Variants in YBX3 observed in about 807,000 individuals in gnomAD.
The protein encoded by YBX3 is Y-box binding protein 3.
A neutral mutation model predicts 42.4 loss-of-function variants in YBX3; 29 were observed. That is an observed-to-expected ratio of 0.68 (90% CI 0.51 to 0.93). The LOEUF (loss-of-function observed/expected upper bound fraction) is 0.93. Ranked by LOEUF, YBX3 falls within the 40% of genes least tolerant of loss-of-function variation. The pLI, the probability that YBX3 is intolerant of heterozygous loss-of-function variation, is 0.00. For missense variants in YBX3, 517 were observed against 527.5 expected, an observed-to-expected ratio of 0.98 and a Z score of 0.19; for synonymous variants, 195 against 189.8, an observed-to-expected ratio of 1.03 and a Z score of -0.22.
At chr12:10,712,172 C>T (rs1348063310) in intron 5 of YBX3, 1 of 152,186 alleles carries the variant, frequency 6.6e-6, no homozygotes, top group East Asian at 1.9e-4. Context: ...TCTCAATCTG[C>T]AGATATTTAA....
At chr12:10,722,566 G>C (rs1259039790) in intron 1 of YBX3, among the ~76,000 whole-genome samples, 2 of 152,244 alleles carry the variant, frequency 1.3e-5, no homozygotes, top group Non-Finnish European at 2.9e-5. Flanking sequence ...GCCCGTCTGG[G>C]AGACAGAAGT....
At chr12:10,716,337 G>C (rs887931889) in intron 3 of YBX3, among the ~76,000 whole-genome samples, 1 of 152,144 alleles carries the variant, frequency 6.6e-6, no homozygotes. Context: ...AGTCACAACC[G>C]TAACAGCCCC....
intron 7 of YBX3, chr12:10,703,678 C>T (rs1361770148): frequency 3.0e-6 from 1 of 334,380 alleles, no homozygotes; most frequent in African/African-American, 2.2e-5. Flanking sequence ...AACCCCTCTA[C>T]TGGACTGCCT....
At chr12:10,716,853 T>G (rs896278737) in intron 3 of YBX3, among the ~76,000 whole-genome samples, 1 of 152,092 alleles carries the variant, frequency 6.6e-6, no homozygotes, top group Non-Finnish European at 1.5e-5. Context: ...GCTCCCTTTT[T>G]CCTGTTAAAC....
chr12:10,709,961 C>A lies in YBX3; in HGVS notation c.727G>T (p.Gly243Ter). The A allele has an allele frequency of 6.2e-7, 1 of 1,614,178 alleles. No homozygotes were observed. Among genetic ancestry groups the A allele is most frequent in the Non-Finnish European group, 8.5e-7 (1 of 1,180,002 alleles). ...RQRRFPPYHV[G>*]QTFDRRSRVL... ...CGTGAGCGACGGTCAAAGGTCTGTC[C>A]CACGTGGTAAGGCGGGAACCGCCGC... Residue 243 changes from glycine to a stop codon, truncating the protein, a stop_gained, in exon 6 of 10, where the codon GGA becomes TGA. Transcript: ENST00000228251. LOFTEE classifies it high-confidence loss of function.
intron 5 of YBX3, 63 bp downstream of exon 5, chr12:10,713,148 A>C: frequency 6.5e-7 from 1 of 1,533,234 alleles, no homozygotes; most frequent in South Asian, 1.3e-5. Flanking sequence ...CTCCAAGTAC[A>C]TACACTTAAT....
At chr12:10,704,317 C>T (rs1038972632) in intron 6 of YBX3, 169 bp from the exon 7 acceptor site, 17 of 541,288 alleles carry the variant, frequency 3.1e-5, no homozygotes, top group Middle Eastern at 4.6e-4. Context: ...TCTTCGTGAA[C>T]GACTGAAAAG....
intron 3 of YBX3, chr12:10,717,718 C>G: frequency 6.2e-6 from 1 of 161,630 alleles, no homozygotes; most frequent in Non-Finnish European, 1.3e-5. Flanking sequence ...CCTACCCAGG[C>G]AGAAGCCAGA....
chr12:10,712,061 CAG>C (rs1348302376), intron 5 of YBX3: 3 of 152,110 alleles, frequency 2.0e-5, no homozygotes, highest in Non-Finnish European at 4.4e-5. Context: ...AGGAATCTGA[CAG>C]AATTAATTTG....
At chr12:10,712,875 T>C (rs1948214995) in intron 5 of YBX3, 1 of 208,436 alleles carries the variant, frequency 4.8e-6, no homozygotes, top group Non-Finnish European at 9.5e-6. Context: ...AAGTGTCTAA[T>C]GAGACCAGCG....
At chr12:10,720,754 T>C (rs1416621314) in intron 1 of YBX3, 2 of 152,152 alleles carry the variant, frequency 1.3e-5, no homozygotes, top group African/African-American at 2.4e-5. Context: ...ATACTAATAA[T>C]AAAGGAAAAA....
chr12:10,717,396 T>C (rs181158011), intron 3 of YBX3, among the ~76,000 whole-genome samples: 1 of 152,336 alleles, frequency 6.6e-6, no homozygotes, highest in Admixed American at 6.5e-5. Flanking sequence ...AAGGATAGTA[T>C]TCCTTCTCTT....
intron 4 of YBX3, among the ~76,000 whole-genome samples, chr12:10,715,075 A>G: frequency 1.3e-5 from 2 of 152,242 alleles, no homozygotes; most frequent in South Asian, 4.2e-4. Flanking sequence ...TATATTGTTA[A>G]TACATAAGAT....
chr12:10,714,978 G>C (rs1037639133), intron 4 of YBX3, among the ~76,000 whole-genome samples: 6 of 151,540 alleles, frequency 4.0e-5, no homozygotes, highest in African/African-American at 1.5e-4. Flanking sequence ...TTGAACTCCT[G>C]ACCTCAGGAG....
chr12:10,707,576 G>A lies in YBX3; in HGVS notation c.780+2332C>T, dbSNP rs1022883929. On this transcript the variant is annotated intron_variant, in intron 6 of 9. Coordinates refer to ENST00000228251, the MANE Select transcript of YBX3 (RefSeq NM_003651.5). ...CTCTACTGAAAAGATTATAGCAGCT[G>A]TTCTCCCTGCTTTTATACTCTTACC... Among the ~76,000 whole-genome samples, 3 of 152,148 alleles carry A rather than the reference G, an allele frequency of 2.0e-5. No individual in the cohort carries two copies. The South Asian group carries it at 6.2e-4, about 32-fold the overall frequency.
At chr12:10,717,718 C>A (rs1164279376) in intron 3 of YBX3, 2 of 161,512 alleles carry the variant, frequency 1.2e-5, no homozygotes, top group African/African-American at 2.4e-5. Context: ...CCTACCCAGG[C>A]AGAAGCCAGA....
At chr12:10,711,108 T>C (rs1172111366) in intron 5 of YBX3, 1 of 152,088 alleles carries the variant, frequency 6.6e-6, no homozygotes, top group Non-Finnish European at 1.5e-5. Context: ...TTCTAAATAA[T>C]AGATCTTATT....
rs578173965 is a variant in YBX3, at chr12:10,720,349, T to C, written c.263-1206A>G. The stretch of plus-strand genomic sequence containing the variant: ...TGGGAAAATACTTTAGCTCTCTTTG[T>C]TGGGGGAAAGAAAATCCAAAACAAA... On this transcript the variant is annotated intron_variant, in intron 1 of 9. Transcript: ENST00000228251. Among the ~76,000 whole-genome samples, 6 of 152,302 alleles carry C rather than the reference T, an allele frequency of 3.9e-5. No homozygotes were observed. In the East Asian group the frequency reaches 9.6e-4, roughly 24 times the overall value.
At chr12:10,718,842 T>C (rs1489212512) in intron 2 of YBX3, among the ~76,000 whole-genome samples, 1 of 152,202 alleles carries the variant, frequency 6.6e-6, no homozygotes, top group Non-Finnish European at 1.5e-5. Context: ...TCTGATTTTA[T>C]CTCCCCCTCC....
Sources: gnomAD v4.1 joint callset for allele counts (sites outside exome capture counted in the v4.1 genomes callset) on GRCh38, gnomAD v4.1.1 for gene constraint, MANE v1.5 for transcripts, NCBI Gene and HGNC (gene_info 2026-07-23, HGNC 2026-07-21) for gene names.